The following KRT12 variants were observed in gnomAD, a reference collection of about 807,000 sequenced individuals.
KRT12 encodes the protein keratin 12.
In KRT12, 43 loss-of-function variants were observed where a neutral mutation model predicts 50.2. That is an observed-to-expected ratio of 0.86 (90% confidence interval 0.67 to 1.11). The LOEUF (loss-of-function observed/expected upper bound fraction) is 1.11, where lower values mean the gene tolerates loss of function less well. KRT12 is among the 50% of genes least tolerant of loss of function. KRT12 has a pLI of 0.00. For synonymous variants in KRT12, 257 were observed against 253.6 expected (o/e 1.01, Z -0.13); for missense variants, 588 against 625.6 (o/e 0.94, Z 0.64).
rs752083648 is a variant in KRT12, at chr17:40,864,948, A to C, written c.665T>G (p.Leu222Arg). 3 of 1,614,136 alleles carry C rather than the reference A, an allele frequency of 1.9e-6. No individual in the cohort carries two copies. In the East Asian group the frequency reaches 6.7e-5, roughly 36 times the overall value. ...EDFRMKYENE[L>R]ALRQGVEADI... The stretch of plus-strand genomic sequence containing the variant: ...GGCCTCTACGCCCTGGCGCAGGGCC[A>C]GTTCATTCTCATACCTGAAAACCAA... Residue 222 changes from leucine (L) to arginine (R), a missense_variant, in exon 3 of 8, where the codon CTG becomes CGG. By Grantham distance (102) the Leu-to-Arg change is moderately radical. Coordinates refer to ENST00000251643, the MANE Select transcript of KRT12 (RefSeq NM_000223.4).
chr17:40,863,381 G>T lies in KRT12; in HGVS notation c.1096-38C>A. 5 of 1,613,238 alleles carry T rather than the reference G, an allele frequency of 3.1e-6. No individual in the cohort carries two copies. The highest frequency in any genetic ancestry group is 4.2e-6 in the Non-Finnish European group (5 of 1,179,290). ...GGGAAATGGCATAGAAATAACGATGGAGGGGACCGAAAAGAGGAGGGTAGC... is the reference window on the plus strand; with the variant it reads ...GGGAAATGGCATAGAAATAACGATGTAGGGGACCGAAAAGAGGAGGGTAGC... On this transcript the variant is annotated intron_variant, in intron 5 of 7. Transcript: ENST00000251643. This position sits in a 1 kb window ranked among gnomAD's most constrained non-coding sequence, Gnocchi z 4.2.
chr17:40,865,429 G>A (rs184302606), intron 2 of KRT12, among the ~76,000 whole-genome samples: 2 of 152,324 alleles, frequency 1.3e-5, no homozygotes, highest in East Asian at 3.9e-4. Flanking sequence ...GCAACTTCCT[G>A]TGTAGAAATT....
At chr17:40,862,284 G>A (rs58028244) in intron 7 of KRT12, among the ~76,000 whole-genome samples, 4,173 of 152,002 alleles carry the variant, frequency 0.027, 221 homozygotes, top group African/African-American at 0.096. Flanking sequence ...ATTTGCCCAG[G>A]TGGGTCACGA....
chr17:40,866,579 G>GA (rs760944886), intron 1 of KRT12, 41 bp downstream of exon 1: 3,249 of 1,453,538 alleles, frequency 2.2e-3, no homozygotes, highest in Non-Finnish European at 2.7e-3. Context: ...TGGTAAAAAG[G>GA]AAAAAAAAAA....
chr17:40,866,491 G>A (rs1907027496), intron 1 of KRT12, 129 bp downstream of exon 1: 1 of 829,544 alleles, frequency 1.2e-6, no homozygotes. Flanking sequence ...AACAACCTGG[G>A]ATGAGAAAAT....
intron 7 of KRT12, among the ~76,000 whole-genome samples, chr17:40,862,333 G>A (rs1372693217): frequency 2.6e-5 from 4 of 152,090 alleles, no homozygotes; most frequent in Admixed American, 1.3e-4. Context: ...TCAGGTTCCC[G>A]AAGCTATGAG....
rs1437862939 is a variant in KRT12, at chr17:40,864,971, C to T, written c.651-9G>A. On this transcript the variant is annotated splice_polypyrimidine_tract_variant and intron_variant, in intron 2 of 7. Coordinates refer to ENST00000251643, the MANE Select transcript of KRT12 (RefSeq NM_000223.4). ...CCAGTTCATTCTCATACCTGAAAAC[C>T]AAGTGCAAAGCAGTTGAGGGAATCA... The T allele has an allele frequency of 1.2e-6, 2 of 1,614,198 alleles. No individual in the cohort carries two copies. The highest frequency in any genetic ancestry group is 3.3e-5 in the Admixed American group (2 of 60,028).
In KRT12 at chr17:40,863,952, C is replaced by CGACACACACA; in HGVS notation, c.808-89_808-88insTGTGTGTGTC. The CGACACACACA allele has an allele frequency of 2.9e-6, 1 of 341,044 alleles. No homozygotes were observed. 21.1% of individuals were successfully genotyped at this position (341,044 alleles called of 1,614,324 possible). Reference sequence around the variant, plus strand: ...TACTTTTGTCCTCTTGGGCCCCTTCCTACACACACACACACACACACACAC... The same window carrying CGACACACACA: ...TACTTTTGTCCTCTTGGGCCCCTTCCGACACACACATACACACACACACACACACACACAC... On this transcript the variant is annotated intron_variant, in intron 3 of 7. Coordinates refer to ENST00000251643, the MANE Select transcript of KRT12 (RefSeq NM_000223.4). This position sits in a 1 kb window ranked among gnomAD's most constrained non-coding sequence, Gnocchi z 4.2.
Position 40,863,490 on chromosome 17 carries a change from C to T in KRT12, c.1090G>A (p.Ala364Thr), listed in dbSNP as rs1906883529. ...NLEIELQSQLAMKKSLEDSLA... is the reference protein window; with the variant it reads ...NLEIELQSQLTMKKSLEDSLA... ...CTGTTTGCGCACGAGCCTACCATGG[C>T]GAGCTGGGACTGTAGCTCGATCTCC... Residue 364 changes from alanine (A) to threonine (T), a missense_variant, in exon 5 of 8, where the codon GCC (alanine) becomes ACC (threonine). Transcript: ENST00000251643. This position sits in a 1 kb window ranked among gnomAD's most constrained non-coding sequence, Gnocchi z 4.2. The T allele has an allele frequency of 6.2e-7, 1 of 1,614,122 alleles. No homozygotes were observed. The highest frequency in any genetic ancestry group is 8.5e-7 in the Non-Finnish European group (1 of 1,180,044).
rs781406934 is a variant in KRT12, at chr17:40,863,692, G to A, written c.969+11C>T. ...CTGTGAATGTATCAAAGCCTTTGTT[G>A]TTTGTGTTACCTTTTCAATGAACCA... On this transcript the variant is annotated intron_variant, in intron 4 of 7. Coordinates refer to ENST00000251643, the MANE Select transcript of KRT12 (RefSeq NM_000223.4). The surrounding 1 kb of genome is among the most constrained non-coding windows in gnomAD (Gnocchi z 4.2). 4 of 1,614,012 alleles carry A rather than the reference G, an allele frequency of 2.5e-6. No individual in the cohort carries two copies. The South Asian group carries it at 4.4e-5, about 18-fold the overall frequency.
intron 7 of KRT12, among the ~76,000 whole-genome samples, chr17:40,862,273 T>A (rs1906830800): frequency 6.6e-6 from 1 of 152,026 alleles, no homozygotes; most frequent in African/African-American, 2.4e-5. Flanking sequence ...GGGGTCTCGC[T>A]ATTTGCCCAG....
Position 40,867,094 on chromosome 17 carries a change from C to T in KRT12, c.93G>A (p.Arg31=). ...TTCCAACACTGGAAGCAGACATGCC[C>T]CTGGGTCTGCCTATCACACTCTGCG... ...LSSQSVIGRP[R]GMSASSVGSG... is the part of the protein sequence containing the mutation. Residue 31 remains arginine (R), a synonymous_variant, in exon 1 of 8, where the codon AGG becomes AGA. Transcript: ENST00000251643. The T allele has an allele frequency of 6.2e-7, 1 of 1,613,932 alleles. No individual in the cohort carries two copies. Among genetic ancestry groups the T allele is most frequent in the Non-Finnish European group, 8.5e-7 (1 of 1,179,944 alleles).
chr17:40,867,003 TG>T lies in KRT12; in HGVS notation c.183del (p.Met62CysfsTer49), dbSNP rs1567743404. 1 of 1,596,296 alleles carries T rather than the reference TG, an allele frequency of 6.3e-7. No homozygotes were observed. Among genetic ancestry groups the T allele is most frequent in the Non-Finnish European group, 8.5e-7 (1 of 1,171,806 alleles). On this transcript the variant is annotated frameshift_variant, in exon 1 of 8. Coordinates refer to ENST00000251643, the MANE Select transcript of KRT12 (RefSeq NM_000223.4). LOFTEE classifies it high-confidence loss of function. The stretch of plus-strand genomic sequence containing the variant: ...CCAAAGCCGGAACTAGAACCAAACA[TG>T]GAAGCAGCAGAAAAGCCTCCCCCAC... ...ASCGGGFSAA[S>X]MFGSSSGFGG...
chr17:40,863,083 C>T lies in KRT12; in HGVS notation c.1316+40G>A. On this transcript the variant is annotated intron_variant, in intron 6 of 7. Transcript: ENST00000251643. The surrounding 1 kb of genome is among the most constrained non-coding windows in gnomAD (Gnocchi z 4.2). ...TCTATTTCTGCTGCCCACTCTTGGT[C>T]AGCCCCTGAAGGTGTTTACAGCCTC... 10 of 1,563,590 alleles carry T rather than the reference C, an allele frequency of 6.4e-6. No homozygotes were observed. In the South Asian group the frequency reaches 1.1e-4, roughly 17 times the overall value.
chr17:40,861,716 A>G lies in KRT12; in HGVS notation c.1430T>C (p.Met477Thr). 1 of 1,614,004 alleles carries G rather than the reference A, an allele frequency of 6.2e-7. No homozygotes were observed. Among genetic ancestry groups the G allele is most frequent in the Non-Finnish European group, 8.5e-7 (1 of 1,179,890 alleles). ...AGATGAGACCACCTCACCATTCACC[A>G]TCTCCTGCACAACTGTCTTGATTTT... The part of the protein sequence containing the change: ...TRKIKTVVQE[M>T]VNGEVVSSQV... Residue 477 changes from methionine to threonine, a missense_variant, in exon 8 of 8, where the codon ATG (methionine) becomes ACG (threonine). Met to Thr is a moderately conservative substitution (Grantham distance 81). Transcript: ENST00000251643.
chr17:40,862,489 C>A, intron 7 of KRT12, 76 bp downstream of exon 7: 1 of 921,846 alleles, frequency 1.1e-6, no homozygotes, highest in South Asian at 1.3e-5. Context: ...ATGCAGTAGT[C>A]AATGAGGTCT....
Position 40,866,694 on chromosome 17 carries a change from C to T in KRT12, c.493G>A (p.Gly165Arg), listed in dbSNP as rs1907038705. ...TGTGAAGCATCTGCAGTCCCAGTTC[C>T]TCGTGTTTCATACCATTCTCGAATT... ...NKIREWYETRGTGTADASQSD... is the reference protein window; with the variant it reads ...NKIREWYETRRTGTADASQSD... Residue 165 changes from glycine to arginine, a missense_variant, in exon 1 of 8, where the codon GGA (glycine) becomes AGA (arginine). Coordinates refer to ENST00000251643, the MANE Select transcript of KRT12 (RefSeq NM_000223.4). The T allele has an allele frequency of 6.2e-7, 1 of 1,614,084 alleles. No individual in the cohort carries two copies. The highest frequency in any genetic ancestry group is 1.3e-5 in the African/African-American group (1 of 74,926).
In KRT12 at chr17:40,863,094, G is replaced by A. The variant is rs1567738283; in HGVS notation, c.1316+29C>T. 8 of 1,595,288 alleles carry A rather than the reference G, an allele frequency of 5.0e-6. No individual in the cohort carries two copies. Among genetic ancestry groups the A allele is most frequent in the Non-Finnish European group, 6.9e-6 (8 of 1,162,900 alleles). ...TGCCCACTCTTGGTCAGCCCCTGAA[G>A]GTGTTTACAGCCTCCGTTGTCTGCT... is the stretch of plus-strand genomic sequence containing the variant. On this transcript the variant is annotated intron_variant, in intron 6 of 7. Coordinates refer to ENST00000251643, the MANE Select transcript of KRT12 (RefSeq NM_000223.4). This position sits in a 1 kb window ranked among gnomAD's most constrained non-coding sequence, Gnocchi z 4.2.
In KRT12 at chr17:40,861,637, T is replaced by C; in HGVS notation, c.*24A>G. ...AAATTTCTTGTTCCTAAGGAACCAATCATGGGGCAGATCTTGTGAAATTTT... is the reference window on the plus strand; with the variant it reads ...AAATTTCTTGTTCCTAAGGAACCAACCATGGGGCAGATCTTGTGAAATTTT... On this transcript the variant is annotated 3_prime_UTR_variant, in exon 8 of 8. Transcript: ENST00000251643. 1.4e-6 allele frequency: 2 copies of C among 1,431,842 alleles called. No individual in the cohort carries two copies. Among genetic ancestry groups the C allele is most frequent in the East Asian group, 4.5e-5 (2 of 44,044 alleles). 88.7% of individuals were successfully genotyped at this position (1,431,842 alleles called of 1,614,324 possible). A position where few individuals can be genotyped will look rare whatever the true frequency, so the allele number is the denominator to read the frequency against.
Sources: allele counts gnomAD v4.1 joint callset (sites outside exome capture counted in the v4.1 genomes callset), GRCh38; gene constraint gnomAD v4.1.1; non-coding constraint Gnocchi (gnomAD v3.1); transcripts MANE v1.5; gene names NCBI Gene and HGNC (gene_info 2026-07-23, HGNC 2026-07-21).